The following VWA8 variants were observed in gnomAD, a reference collection of about 807,000 sequenced individuals.
VWA8 encodes von Willebrand factor A domain-containing protein 8.
VWA8 carries 221 observed loss-of-function variants against 241.5 expected under a neutral mutation model. The ratio of observed to expected loss-of-function variants is 0.91; its 90% CI spans 0.82 to 1.02. VWA8 has a LOEUF of 1.02. VWA8 is among the 50% of genes least tolerant of loss of function. The probability of loss-of-function intolerance (pLI) is 0.00; values close to 1 mark genes in which losing one functional copy is unlikely to be tolerated. For missense variants in VWA8, 2,322 were observed against 2,328.7 expected, an observed-to-expected ratio of 1.00 and a Z score of 0.06; for synonymous variants, 852 against 827.1, an observed-to-expected ratio of 1.03 and a Z score of -0.52.
At chr13:41,927,120 A>G (rs1009341126) in intron 2 of VWA8, 1 of 394,236 alleles carries the variant, frequency 2.5e-6, no homozygotes, top group African/African-American at 2.1e-5. Flanking sequence ...GTTTTTGAAC[A>G]ACAGGCCAAA....
intron 17 of VWA8, among the ~76,000 whole-genome samples, chr13:41,798,598 G>A (rs951912580): frequency 2.0e-5 from 3 of 152,096 alleles, no homozygotes; most frequent in African/African-American, 7.2e-5. Context: ...TCATCACAAT[G>A]TATGTAGGTG....
At chr13:41,572,077 GC>G (rs2044310085) in intron 43 of VWA8, among the ~76,000 whole-genome samples, 1 of 151,648 alleles carries the variant, frequency 6.6e-6, no homozygotes, top group Non-Finnish European at 1.5e-5. Context: ...CTGATCGGCT[GC>G]CCCGTCTGAG....
At chr13:41,724,304 G>A (rs151334169) in intron 24 of VWA8, among the ~76,000 whole-genome samples, 261 of 152,326 alleles carry the variant, frequency 1.7e-3, no homozygotes, top group African/African-American at 5.9e-3. Context: ...ATGACTGTGA[G>A]GAATTTTGTT....
At chr13:41,853,783 CAA>C (rs1191831645) in intron 12 of VWA8, among the ~76,000 whole-genome samples, 2 of 151,922 alleles carry the variant, frequency 1.3e-5, no homozygotes, top group Admixed American at 1.3e-4. Context: ...TTTATCTTTT[CAA>C]AAAAATCAAC....
chr13:41,664,879 A>G (rs1045250102), intron 37 of VWA8, among the ~76,000 whole-genome samples: 1 of 152,136 alleles, frequency 6.6e-6, no homozygotes, highest in Non-Finnish European at 1.5e-5. Context: ...TAAATGATGT[A>G]TACTTTGCTG....
intron 20 of VWA8, among the ~76,000 whole-genome samples, chr13:41,767,014 T>C (rs922068383): frequency 3.3e-5 from 5 of 152,188 alleles, no homozygotes; most frequent in African/African-American, 1.2e-4. Context: ...AAATGGACTC[T>C]AGGTGAGTAT....
chr13:41,761,040 C>T, intron 21 of VWA8, 88 bp downstream of exon 21: 2 of 1,298,964 alleles, frequency 1.5e-6, no homozygotes, highest in South Asian at 2.7e-5. Context: ...ATAAAATGGG[C>T]CTCTAAGAAA....
intron 43 of VWA8, among the ~76,000 whole-genome samples, chr13:41,573,506 T>TATAC (rs1439940851): frequency 1.4e-5 from 2 of 141,646 alleles, no homozygotes; most frequent in African/African-American, 5.4e-5. Flanking sequence ...TATATATATA[T>TATAC]ACCTCTCTCT....
At chr13:41,841,917 T>C (rs1160229803) in intron 12 of VWA8, among the ~76,000 whole-genome samples, 1 of 141,142 alleles carries the variant, frequency 7.1e-6, no homozygotes, top group Non-Finnish European at 1.5e-5. Context: ...AATAATGATT[T>C]TGTTTTCCAA....
At chr13:41,605,756 G>A (rs1229117882) in intron 39 of VWA8, among the ~76,000 whole-genome samples, 1 of 152,132 alleles carries the variant, frequency 6.6e-6, no homozygotes, top group African/African-American at 2.4e-5. Flanking sequence ...GTATTTGGTT[G>A]ACCAAGATAA....
intron 9 of VWA8, among the ~76,000 whole-genome samples, chr13:41,874,033 T>C (rs1300748083): frequency 9.9e-5 from 15 of 151,428 alleles, no homozygotes; most frequent in South Asian, 2.1e-4. Flanking sequence ...GTTCAATATA[T>C]GCAAATCAAT....
Position 41,819,387 on chromosome 13 carries a change from C to G in VWA8, c.1701-1G>C. ...GGAGGGATGGATAGGAAAAATGGAT[C>G]TAAAATAGGAAAAAAAATGAAAAAA... On this transcript the variant is annotated splice_acceptor_variant, in intron 14 of 44. Coordinates refer to ENST00000379310, the MANE Select transcript of VWA8 (RefSeq NM_015058.2). LOFTEE classifies it high-confidence loss of function. 1 of 1,587,382 alleles carries G rather than the reference C, an allele frequency of 6.3e-7. No individual in the cohort carries two copies. Among genetic ancestry groups the G allele is most frequent in the Non-Finnish European group, 8.5e-7 (1 of 1,173,494 alleles).
chr13:41,613,800 A>C (rs769758272), intron 38 of VWA8, among the ~76,000 whole-genome samples: 11 of 152,224 alleles, frequency 7.2e-5, no homozygotes, highest in Non-Finnish European at 1.6e-4. Flanking sequence ...AAGGGGAATC[A>C]AATGACTTGT....
intron 20 of VWA8, among the ~76,000 whole-genome samples, chr13:41,772,516 T>C (rs754785794): frequency 2.6e-5 from 4 of 152,050 alleles, no homozygotes; most frequent in African/African-American, 7.3e-5. Context: ...GTACATATAA[T>C]GTTATAATTA....
chr13:41,791,198 G>A (rs1869444731), intron 17 of VWA8, among the ~76,000 whole-genome samples: 2 of 151,640 alleles, frequency 1.3e-5, no homozygotes, highest in African/African-American at 4.8e-5. Flanking sequence ...CTAAAGAGAA[G>A]GTTAGTAAGA....
At chr13:41,758,404 AT>A (rs2045712469) in intron 21 of VWA8, among the ~76,000 whole-genome samples, 2 of 80,770 alleles carry the variant, frequency 2.5e-5, no homozygotes, top group Non-Finnish European at 5.5e-5. Context: ...GCTAGTATAT[AT>A]ATATATATAT....
chr13:41,889,361 C>T (rs1326085156), intron 5 of VWA8, among the ~76,000 whole-genome samples: 2 of 151,414 alleles, frequency 1.3e-5, no homozygotes, highest in East Asian at 1.9e-4. Context: ...TAATAATAAG[C>T]ATTCTTTGCG....
intron 2 of VWA8, among the ~76,000 whole-genome samples, chr13:41,936,925 C>T (rs1271878258): frequency 6.6e-6 from 1 of 152,092 alleles, no homozygotes; most frequent in Non-Finnish European, 1.5e-5. Flanking sequence ...ATGATGGTCC[C>T]ATAAGATTAT....
intron 17 of VWA8, among the ~76,000 whole-genome samples, chr13:41,796,220 A>G (rs1316723401): frequency 8.5e-5 from 13 of 152,182 alleles, no homozygotes; most frequent in East Asian, 3.9e-4. Context: ...CTAGACTCAA[A>G]GTGAATTTCT....
Sources: allele counts gnomAD v4.1 joint callset (sites outside exome capture counted in the v4.1 genomes callset), GRCh38; gene constraint gnomAD v4.1.1; transcripts MANE v1.5; gene names NCBI Gene and HGNC (gene_info 2026-07-23, HGNC 2026-07-21).